The following HCN4 variants were observed in gnomAD, a reference collection of about 807,000 sequenced individuals.
The protein encoded by HCN4 is hyperpolarization activated cyclic nucleotide gated potassium channel 4.
In HCN4, 29 loss-of-function variants were observed where a neutral mutation model predicts 76.9. That is an observed-to-expected ratio of 0.38 (90% CI 0.28 to 0.51). The LOEUF (loss-of-function observed/expected upper bound fraction) is 0.51, where lower values mean the gene tolerates loss of function less well. HCN4 is among the 20% of genes least tolerant of loss of function. HCN4 has a pLI of 0.90. For synonymous variants in HCN4, 772 were observed against 762.5 expected, an observed-to-expected ratio of 1.01 and a Z score of -0.21; for missense variants, 1,416 against 1,715.2, an observed-to-expected ratio of 0.83 and a Z score of 3.08.
rs1318053880 is a variant in HCN4 at position 73,368,548 on chromosome 15, T to C, written c.-278A>G. 1.2e-5 allele frequency: 3 copies of C among 247,908 alleles called. No individual in the cohort carries two copies. In the East Asian group the frequency reaches 2.1e-4, roughly 18 times the overall value. 15.4% of individuals were successfully genotyped at this position (247,908 alleles called of 1,614,324 possible). A position where few individuals can be genotyped will look rare whatever the true frequency, so the allele number is the denominator to read the frequency against. ...CTTGCCTCCCTCCCTCCCTCTGGCG[T>C]TCAGGGGCGCGGCGCGCCGCCCGGC... On this transcript the variant is annotated 5_prime_UTR_variant, in exon 1 of 8. Transcript: ENST00000261917. The surrounding 1 kb of genome is among the most constrained non-coding windows in gnomAD (Gnocchi z 6.9).
At position 73,362,862 on chromosome 15, in the gene HCN4, G is replaced by A. The variant is rs563799415; in HGVS notation, c.785+4624C>T. Among the ~76,000 whole-genome samples the A allele has an allele frequency of 2.0e-5, 3 of 152,306 alleles. No individual in the cohort carries two copies. In the South Asian group the frequency reaches 6.2e-4, roughly 32 times the overall value. ...ACCAGGAACTTGAGCCTTGCAGCAG[G>A]GAGAACCTGGAGCCGAGGCCTCTCT... On this transcript the variant is annotated intron_variant, in intron 1 of 7. Coordinates refer to ENST00000261917, the MANE Select transcript of HCN4 (RefSeq NM_005477.3).
At position 73,327,108 on chromosome 15, in the gene HCN4, CT is replaced by C. The variant is rs975122477; in HGVS notation, c.1591-1665del. Among the ~76,000 whole-genome samples, 386 of 131,054 alleles carry C rather than the reference CT, an allele frequency of 2.9e-3. 1 individual carries two copies. Among genetic ancestry groups the C allele is most frequent in the African/African-American group, 4.6e-3 (166 of 35,700 alleles). 86.0% of individuals were successfully genotyped at this position (131,054 alleles called of 152,430 possible). Reference sequence around the variant, plus strand: ...AGCCTCCCAGACGCTTTTTCTTTTTCTTTTTTTTTTTTTTTTGAGATGGAGT... The same window carrying C: ...AGCCTCCCAGACGCTTTTTCTTTTTCTTTTTTTTTTTTTTTGAGATGGAGT... On this transcript the variant is annotated intron_variant, in intron 4 of 7. Transcript: ENST00000261917.
rs1009126292 is a variant in HCN4, at chr15:73,322,622, G to A, written c.3471C>T (p.Ser1157=). 1.2e-6 allele frequency: 2 copies of A among 1,611,914 alleles called. No individual in the cohort carries two copies. Among genetic ancestry groups the A allele is most frequent in the South Asian group, 1.1e-5 (1 of 90,694 alleles). ...GQHVTLPRKT[S]SGSLPPPLSL... ...ACAGAGGGGGTGGCAAAGAACCTGA[G>A]GATGTCTTCCGAGGCAGAGTGACGT... is the stretch of plus-strand genomic sequence containing the variant. The change falls in exon 8 of 8, where the codon TCC becomes TCT. Residue 1157 remains serine (S), a synonymous_variant. Coordinates refer to ENST00000261917, the MANE Select transcript of HCN4 (RefSeq NM_005477.3).
At chr15:73,360,451 A>G (rs2043100086) in intron 1 of HCN4, among the ~76,000 whole-genome samples, 1 of 152,090 alleles carries the variant, frequency 6.6e-6, no homozygotes, top group South Asian at 2.1e-4. Flanking sequence ...CCGACACCTG[A>G]TCCATTTTCT....
At chr15:73,358,971 G>A (rs535945642) in intron 1 of HCN4, among the ~76,000 whole-genome samples, 53 of 152,262 alleles carry the variant, frequency 3.5e-4, no homozygotes, top group Non-Finnish European at 7.2e-4. Context: ...TGGTATTCTG[G>A]AGGGCATGAC....
chr15:73,332,824 C>T (rs1341467867), intron 2 of HCN4, among the ~76,000 whole-genome samples: 1 of 152,198 alleles, frequency 6.6e-6, no homozygotes, highest in African/African-American at 2.4e-5. Context: ...ACCTTGATCC[C>T]AAGCCCAGGT....
intron 1 of HCN4, among the ~76,000 whole-genome samples, chr15:73,360,649 C>T (rs1366080904): frequency 6.6e-6 from 1 of 152,112 alleles, no homozygotes; most frequent in Non-Finnish European, 1.5e-5. Flanking sequence ...TCTCTCCTTT[C>T]CTCGTCGGAG....
intron 1 of HCN4, among the ~76,000 whole-genome samples, chr15:73,359,937 A>G (rs2043097696): frequency 6.6e-6 from 1 of 152,186 alleles, no homozygotes; most frequent in Admixed American, 6.5e-5. Flanking sequence ...GCACCCGGAT[A>G]TGGTCCCCAA....
Position 73,332,113 on chromosome 15 carries a change from C to T in HCN4, c.1371+18G>A, listed in dbSNP as rs765076344. On this transcript the variant is annotated intron_variant, in intron 3 of 7. Transcript: ENST00000261917. ...CCCGCCTATGGCCCAGAGAGAGGAC[C>T]GGGCTGGGCGCACTCACCACCATGT... 36 of 1,612,528 alleles carry T rather than the reference C, an allele frequency of 2.2e-5. 1 individual carries two copies. The East Asian group carries it at 3.3e-4, about 15-fold the overall frequency.
At chr15:73,337,029 C>T (rs73442006) in intron 2 of HCN4, among the ~76,000 whole-genome samples, 9,233 of 152,226 alleles carry the variant, frequency 0.061, 622 homozygotes, top group African/African-American at 0.17. Context: ...CAGGCCAGTT[C>T]GTGCTTGCCC....
intron 1 of HCN4, among the ~76,000 whole-genome samples, chr15:73,358,626 C>G (rs1417541940): frequency 2.0e-5 from 3 of 152,202 alleles, no homozygotes; most frequent in Non-Finnish European, 4.4e-5. Flanking sequence ...GATGGCAGCA[C>G]AGGCAGCCCG....
At chr15:73,361,488 G>A (rs1595835212) in intron 1 of HCN4, among the ~76,000 whole-genome samples, 1 of 152,226 alleles carries the variant, frequency 6.6e-6, no homozygotes, top group African/African-American at 2.4e-5. Flanking sequence ...TGTCTGGCCG[G>A]CCTCAGTAGC....
rs75273094 is a variant in HCN4, at chr15:73,340,704, C to T, written c.1209+2681G>A. On this transcript the variant is annotated intron_variant, in intron 2 of 7. Coordinates refer to ENST00000261917, the MANE Select transcript of HCN4 (RefSeq NM_005477.3). The stretch of plus-strand genomic sequence containing the variant: ...CTCCTCCCCTGCCACTGCCCTCCCA[C>T]TCTCTGCCAACAGTCGTCCTAGTCC... Among the ~76,000 whole-genome samples, 643 of 152,368 alleles carry T rather than the reference C, an allele frequency of 4.2e-3. 3 individuals carry two copies. Among genetic ancestry groups the T allele is most frequent in the African/African-American group, 0.015 (611 of 41,586 alleles).
chr15:73,348,373 T>C (rs1166497991), intron 1 of HCN4, among the ~76,000 whole-genome samples: 1 of 152,254 alleles, frequency 6.6e-6, no homozygotes, highest in African/African-American at 2.4e-5. Flanking sequence ...CATGCACATG[T>C]GCACATGCAC....
Position 73,321,014 on chromosome 15 carries a change from ATG to A in HCN4, c.*1465_*1466del, listed in dbSNP as rs2042854119. 1 of 152,158 alleles carries A rather than the reference ATG, an allele frequency of 6.6e-6. No individual in the cohort carries two copies. Among genetic ancestry groups the A allele is most frequent in the East Asian group, 1.9e-4 (1 of 5,194 alleles). The allele number at this position is 152,158 out of a possible 1,614,324, so 9.4% of individuals were successfully genotyped here. A position where few individuals can be genotyped will look rare whatever the true frequency, so the allele number is the denominator to read the frequency against. On this transcript the variant is annotated 3_prime_UTR_variant, in exon 8 of 8. Transcript: ENST00000261917. Reference sequence around the variant, plus strand: ...GCTGGGCATATGAGGGGCAGAAGAAATGTGATTTTTTATTGAGCACCTACCAT... The same window carrying A: ...GCTGGGCATATGAGGGGCAGAAGAAATGATTTTTTATTGAGCACCTACCAT...
At chr15:73,355,326 T>C (rs547286948) in intron 1 of HCN4, among the ~76,000 whole-genome samples, 57 of 152,314 alleles carry the variant, frequency 3.7e-4, no homozygotes, top group Non-Finnish European at 6.2e-4. Context: ...AGTTTCCCCA[T>C]TGGCACAACA....
intron 7 of HCN4, 22 bp downstream of exon 7, chr15:73,324,067 G>A (rs564355679): frequency 1.2e-5 from 15 of 1,284,070 alleles, no homozygotes; most frequent in South Asian, 5.9e-5. Context: ...CACCTGCCCC[G>A]CCTGTGGCCC....
chr15:73,339,709 CTAAA>C (rs1179074177), intron 2 of HCN4, among the ~76,000 whole-genome samples: 2 of 152,180 alleles, frequency 1.3e-5, no homozygotes, highest in South Asian at 2.1e-4. Flanking sequence ...GTTTTCTGTA[CTAAA>C]TACTCTCCTC....
At chr15:73,338,806 C>A (rs2042981258) in intron 2 of HCN4, among the ~76,000 whole-genome samples, 1 of 152,240 alleles carries the variant, frequency 6.6e-6, no homozygotes, top group Non-Finnish European at 1.5e-5. Context: ...CCAGGCCTGG[C>A]AGAACAGGCT....
Sources: allele counts gnomAD v4.1 joint callset (sites outside exome capture counted in the v4.1 genomes callset), GRCh38; gene constraint gnomAD v4.1.1; non-coding constraint Gnocchi (gnomAD v3.1); transcripts MANE v1.5; gene names NCBI Gene and HGNC (gene_info 2026-07-23, HGNC 2026-07-21).